Variants in PCBP3 observed in about 807,000 individuals in gnomAD.
The protein encoded by PCBP3 is poly(rC)-binding protein 3.
PCBP3 carries 25 observed loss-of-function variants against 52.7 expected under a neutral mutation model. The ratio of observed to expected loss-of-function variants is 0.47; its 90% CI spans 0.35 to 0.66. The LOEUF (loss-of-function observed/expected upper bound fraction) is 0.66, where lower values mean the gene tolerates loss of function less well. Among genes scored for constraint, PCBP3 ranks in the 30% least tolerant of loss-of-function variants. The pLI, the probability that PCBP3 is intolerant of heterozygous loss-of-function variation, is 0.01. For missense variants in PCBP3, 391 were observed against 490.3 expected (o/e 0.80, Z 1.91); for synonymous variants, 162 against 183.0 (o/e 0.89, Z 0.93).
chr21:45,751,887 A>G (rs2087545022), intron 3 of PCBP3, among the ~76,000 whole-genome samples: 1 of 152,204 alleles, frequency 6.6e-6, no homozygotes, highest in African/African-American at 2.4e-5. Context: ...TTGTGAGTGA[A>G]GTAGAGCACC....
At chr21:45,839,811 C>T (rs1274197920) in intron 4 of PCBP3, among the ~76,000 whole-genome samples, 2 of 151,960 alleles carry the variant, frequency 1.3e-5, no homozygotes, top group African/African-American at 2.4e-5. Flanking sequence ...CTCAGCCTCC[C>T]GAGTAGCTGG....
rs1473078018 is a variant in PCBP3 at position 45,755,157 on chromosome 21, T to C, written c.-161-260T>C. On this transcript the variant is annotated intron_variant, in intron 3 of 17. Coordinates refer to ENST00000681687, the MANE Select transcript of PCBP3 (RefSeq NM_001384156.1). ...AGCCCCTGACAATCGCTGATCTGTT[T>C]AACTGCAGCTCTGCCTTTCTCAGAA... Among the ~76,000 whole-genome samples the C allele has an allele frequency of 2.0e-5, 3 of 152,208 alleles. No individual in the cohort carries two copies. The East Asian group carries it at 5.8e-4, about 29-fold the overall frequency.
intron 3 of PCBP3, among the ~76,000 whole-genome samples, chr21:45,754,752 A>G (rs936374301): frequency 6.6e-6 from 1 of 152,184 alleles, no homozygotes; most frequent in Non-Finnish European, 1.5e-5. Context: ...TTCTTAGAGC[A>G]TGGAAGAGAT....
chr21:45,806,911 T>G (rs2092523544), intron 4 of PCBP3, among the ~76,000 whole-genome samples: 2 of 152,232 alleles, frequency 1.3e-5, no homozygotes, highest in African/African-American at 4.8e-5. Context: ...CATTGGCTCC[T>G]GTATGCAGCA....
chr21:45,810,332 T>C (rs181427069), intron 4 of PCBP3, among the ~76,000 whole-genome samples: 8 of 151,790 alleles, frequency 5.3e-5, no homozygotes, highest in African/African-American at 1.7e-4. Flanking sequence ...CTCAGTCTCC[T>C]GTGCTCAAGC....
intron 2 of PCBP3, among the ~76,000 whole-genome samples, chr21:45,720,877 G>A (rs1048161495): frequency 6.6e-6 from 1 of 152,228 alleles, no homozygotes; most frequent in Non-Finnish European, 1.5e-5. Context: ...TGACTTCAAC[G>A]TGAGCTCCTG....
At chr21:45,648,185 G>A (rs751962462) in intron 1 of PCBP3, among the ~76,000 whole-genome samples, 2 of 152,216 alleles carry the variant, frequency 1.3e-5, no homozygotes, top group Non-Finnish European at 2.9e-5. Flanking sequence ...TAAGATAAAT[G>A]TTTGTTGTAT....
At chr21:45,700,242 C>T (rs1050112896) in intron 2 of PCBP3, among the ~76,000 whole-genome samples, 1 of 152,284 alleles carries the variant, frequency 6.6e-6, no homozygotes, top group East Asian at 1.9e-4. Flanking sequence ...CAATGATGCC[C>T]TTAGGCCCTG....
intron 4 of PCBP3, among the ~76,000 whole-genome samples, chr21:45,846,202 T>C (rs750724775): frequency 2.0e-5 from 3 of 152,178 alleles, no homozygotes; most frequent in Non-Finnish European, 2.9e-5. Context: ...TAGGGACTTG[T>C]TAGGGAGATA....
At chr21:45,806,556 C>T (rs1488117156) in intron 4 of PCBP3, among the ~76,000 whole-genome samples, 1 of 151,884 alleles carries the variant, frequency 6.6e-6, no homozygotes, top group East Asian at 1.9e-4. Flanking sequence ...TTGAAGTTCT[C>T]TCATTTGTGT....
At chr21:45,806,205 G>A (rs752819553) in intron 4 of PCBP3, among the ~76,000 whole-genome samples, 62 of 152,322 alleles carry the variant, frequency 4.1e-4, no homozygotes, top group African/African-American at 1.3e-3. Context: ...GGCTTGGTGC[G>A]GACAAGTGGC....
At chr21:45,671,711 A>G (rs994366809) in intron 2 of PCBP3, among the ~76,000 whole-genome samples, 2 of 152,116 alleles carry the variant, frequency 1.3e-5, no homozygotes, top group Non-Finnish European at 2.9e-5. Context: ...AGTGGGGACA[A>G]TTTTTTGATG....
At chr21:45,775,570 C>T (rs2090191567) in intron 4 of PCBP3, among the ~76,000 whole-genome samples, 1 of 152,138 alleles carries the variant, frequency 6.6e-6, no homozygotes, top group South Asian at 2.1e-4. Flanking sequence ...ATGGGTACCA[C>T]CACTCCTGGC....
At chr21:45,810,167 A>G (rs1299405672) in intron 4 of PCBP3, among the ~76,000 whole-genome samples, 1 of 152,122 alleles carries the variant, frequency 6.6e-6, no homozygotes, top group Admixed American at 6.5e-5. Flanking sequence ...TTTGCAATAT[A>G]TAACCAATTT....
chr21:45,796,442 T>G (rs1320614057), intron 4 of PCBP3, among the ~76,000 whole-genome samples: 1 of 152,242 alleles, frequency 6.6e-6, no homozygotes, highest in Non-Finnish European at 1.5e-5. Context: ...TCACATGTGT[T>G]TGCACTTCCT....
intron 4 of PCBP3, among the ~76,000 whole-genome samples, chr21:45,825,883 G>T (rs1026518278): frequency 6.6e-6 from 1 of 152,046 alleles, no homozygotes; most frequent in African/African-American, 2.4e-5. Flanking sequence ...AAATCCAAAT[G>T]ACTTTTTCCT....
At chr21:45,755,290 C>T (rs542120634) in intron 3 of PCBP3, among the ~76,000 whole-genome samples, 127 bp from the exon 4 acceptor site, 1 of 152,270 alleles carries the variant, frequency 6.6e-6, no homozygotes, top group South Asian at 2.1e-4. Flanking sequence ...AAATATGCCA[C>T]AATTTGTACA....
chr21:45,733,749 C>T (rs1199503872), intron 2 of PCBP3, among the ~76,000 whole-genome samples: 6 of 152,110 alleles, frequency 3.9e-5, no homozygotes, highest in Admixed American at 3.9e-4. Flanking sequence ...TACAGGTGCC[C>T]ACCACCACGC....
chr21:45,840,052 G>C (rs1218987985), intron 4 of PCBP3, among the ~76,000 whole-genome samples: 1 of 152,012 alleles, frequency 6.6e-6, no homozygotes, highest in Non-Finnish European at 1.5e-5. Flanking sequence ...ATAGAAAGAA[G>C]CTTATAAAAT....
Sources: allele counts gnomAD v4.1 joint callset (sites outside exome capture counted in the v4.1 genomes callset), GRCh38; gene constraint gnomAD v4.1.1; transcripts MANE v1.5; gene names NCBI Gene and HGNC (gene_info 2026-07-23, HGNC 2026-07-21).